Variants in LHFPL6 observed in about 807,000 individuals in gnomAD.
LHFPL6 encodes LHFPL tetraspan subfamily member 6 protein.
LHFPL6 carries 9 observed loss-of-function variants against 20.6 expected under a neutral mutation model. The ratio of observed to expected loss-of-function variants is 0.44; its 90% CI spans 0.26 to 0.76. The LOEUF is 0.76. Among genes scored for constraint, LHFPL6 ranks in the 30% least tolerant of loss-of-function variants. The probability of loss-of-function intolerance (pLI) is 0.20; values close to 1 mark genes in which losing one functional copy is unlikely to be tolerated. For missense variants in LHFPL6, 218 were observed against 253.5 expected (o/e 0.86, Z 0.95); for synonymous variants, 105 against 98.7 (o/e 1.06, Z -0.38).
intron 2 of LHFPL6, among the ~76,000 whole-genome samples, chr13:39,516,023 G>A (rs1869900298): frequency 6.6e-6 from 1 of 152,046 alleles, no homozygotes; most frequent in African/African-American, 2.4e-5. Context: ...TTTCAACCCA[G>A]GAATTTTTCA....
chr13:39,408,275 T>G (rs1264569135), intron 2 of LHFPL6, among the ~76,000 whole-genome samples: 1 of 152,230 alleles, frequency 6.6e-6, no homozygotes, highest in Non-Finnish European at 1.5e-5. Flanking sequence ...GGCTAACTTG[T>G]AGACTAAACT....
chr13:39,560,806 C>A (rs1004260934), intron 2 of LHFPL6, among the ~76,000 whole-genome samples: 1 of 152,108 alleles, frequency 6.6e-6, no homozygotes, highest in African/African-American at 2.4e-5. Context: ...TGAGCCACCG[C>A]GCCCTGCTGG....
intron 2 of LHFPL6, among the ~76,000 whole-genome samples, chr13:39,490,812 T>C (rs922384508): frequency 2.6e-5 from 4 of 152,214 alleles, no homozygotes; most frequent in African/African-American, 9.6e-5. Flanking sequence ...TTTGGGATTT[T>C]TCTATTCTTA....
chr13:39,467,018 G>T (rs571055178), intron 2 of LHFPL6, among the ~76,000 whole-genome samples: 1 of 152,276 alleles, frequency 6.6e-6, no homozygotes, highest in Admixed American at 6.5e-5. Context: ...ACATGGGTGT[G>T]CCACGCGAAT....
At chr13:39,539,053 T>A (rs1426105085) in intron 2 of LHFPL6, among the ~76,000 whole-genome samples, 1 of 152,188 alleles carries the variant, frequency 6.6e-6, no homozygotes, top group African/African-American at 2.4e-5. Context: ...TGTGTTTCAG[T>A]AATGCTTTAT....
Position 39,565,058 on chromosome 13 carries a change from G to C in LHFPL6, c.385+35774C>G, listed in dbSNP as rs1447891885. On this transcript the variant is annotated intron_variant, in intron 2 of 3. Coordinates refer to ENST00000379589, the MANE Select transcript of LHFPL6 (RefSeq NM_005780.3). ...TCTACATTCCAATGCTCTAAGAATG[G>C]AAGACCGATCTCCAAAGATCAAAAT... Among the ~76,000 whole-genome samples, 5 of 152,262 alleles carry C rather than the reference G, an allele frequency of 3.3e-5. No individual in the cohort carries two copies. The East Asian group carries it at 9.7e-4, about 29-fold the overall frequency.
chr13:39,356,528 A>G (rs956470924), intron 3 of LHFPL6, among the ~76,000 whole-genome samples: 7 of 152,230 alleles, frequency 4.6e-5, no homozygotes, highest in African/African-American at 1.7e-4. Flanking sequence ...CAGCAGAACT[A>G]AACAAAATTG....
At chr13:39,372,996 C>G (rs1870199532) in intron 3 of LHFPL6, among the ~76,000 whole-genome samples, 1 of 152,140 alleles carries the variant, frequency 6.6e-6, no homozygotes, top group Non-Finnish European at 1.5e-5. Context: ...CACCCCAGAC[C>G]ACATGCAGAC....
intron 2 of LHFPL6, among the ~76,000 whole-genome samples, chr13:39,571,907 C>T (rs970939489): frequency 6.6e-6 from 1 of 152,216 alleles, no homozygotes; most frequent in African/African-American, 2.4e-5. Context: ...CTGGCCGGAT[C>T]CTACGCTCGC....
chr13:39,348,236 G>T lies in LHFPL6; in HGVS notation c.485-4182C>A, dbSNP rs138741123. On this transcript the variant is annotated intron_variant, in intron 3 of 3. Transcript: ENST00000379589. ...CCAGTTCCTCTCTGTCCCTTTGCTG[G>T]TTCTGGACTCTCAATCTCCAGCTTC... 6.6e-5 allele frequency among the ~76,000 whole-genome samples: 10 copies of T among 152,176 alleles called. No individual in the cohort carries two copies. In the East Asian group the frequency reaches 1.9e-3, roughly 29 times the overall value.
At chr13:39,372,712 G>C (rs1870194119) in intron 3 of LHFPL6, among the ~76,000 whole-genome samples, 1 of 152,138 alleles carries the variant, frequency 6.6e-6, no homozygotes, top group African/African-American at 2.4e-5. Context: ...CCTTTCTAAG[G>C]AAAAGAGGTA....
intron 2 of LHFPL6, among the ~76,000 whole-genome samples, chr13:39,491,136 C>T (rs532849994): frequency 9.9e-5 from 15 of 152,220 alleles, no homozygotes; most frequent in African/African-American, 3.6e-4. Flanking sequence ...AACGTATTTG[C>T]AAGAAGTACA....
chr13:39,384,456 A>G (rs1233589527), intron 2 of LHFPL6, among the ~76,000 whole-genome samples: 1 of 152,240 alleles, frequency 6.6e-6, no homozygotes, highest in Non-Finnish European at 1.5e-5. Flanking sequence ...AATTAAATGT[A>G]AAAGTGAGAA....
At chr13:39,531,578 G>A (rs1870466254) in intron 2 of LHFPL6, among the ~76,000 whole-genome samples, 1 of 152,052 alleles carries the variant, frequency 6.6e-6, no homozygotes, top group Non-Finnish European at 1.5e-5. Flanking sequence ...ATTTAAACTG[G>A]GAATTCCAAT....
intron 2 of LHFPL6, among the ~76,000 whole-genome samples, chr13:39,415,788 T>A (rs1871333380): frequency 6.6e-6 from 1 of 152,244 alleles, no homozygotes; most frequent in Non-Finnish European, 1.5e-5. Flanking sequence ...CAGTGCTGAA[T>A]TCAAAGTGAG....
chr13:39,557,383 C>T (rs944473119), intron 2 of LHFPL6, among the ~76,000 whole-genome samples: 1 of 152,228 alleles, frequency 6.6e-6, no homozygotes, highest in African/African-American at 2.4e-5. Context: ...TGGTGGCTTC[C>T]ACACGGATTT....
At chr13:39,409,315 G>A (rs147039480) in intron 2 of LHFPL6, among the ~76,000 whole-genome samples, 115 of 152,118 alleles carry the variant, frequency 7.6e-4, no homozygotes, top group African/African-American at 2.6e-3. Context: ...TTAGCCGGGC[G>A]TGGTGATGCA....
chr13:39,593,496 T>C (rs1266358129), intron 2 of LHFPL6, among the ~76,000 whole-genome samples: 1 of 151,982 alleles, frequency 6.6e-6, no homozygotes, highest in Non-Finnish European at 1.5e-5. Flanking sequence ...CATTCCATGC[T>C]CATGGGTAGG....
intron 2 of LHFPL6, among the ~76,000 whole-genome samples, chr13:39,572,288 C>CTGTG (rs3222813): frequency 0.081 from 11,581 of 143,336 alleles, 503 homozygotes; most frequent in South Asian, 0.15. Context: ...TTTTTAAACT[C>CTGTG]TGTGTGTGTG....
Sources: gnomAD v4.1 joint callset for allele counts (sites outside exome capture counted in the v4.1 genomes callset) on GRCh38, gnomAD v4.1.1 for gene constraint, MANE v1.5 for transcripts, NCBI Gene and HGNC (gene_info 2026-07-23, HGNC 2026-07-21) for gene names.